TMEM132C: variants seen among roughly 807,000 people sequenced by gnomAD.
TMEM132C encodes transmembrane protein 132C, also known as protein phosphatase 1, regulatory subunit 152.
TMEM132C carries 29 observed loss-of-function variants against 61.4 expected under a neutral mutation model. That is an observed-to-expected ratio of 0.47 (90% CI 0.35 to 0.64). TMEM132C has a LOEUF of 0.64. Ranked by LOEUF, TMEM132C falls within the 30% of genes least tolerant of loss-of-function variation. TMEM132C has a pLI of 0.00. For missense variants in TMEM132C, 1,408 were observed against 1,476.9 expected, an observed-to-expected ratio of 0.95 and a Z score of 0.76; for synonymous variants, 656 against 633.1, an observed-to-expected ratio of 1.04 and a Z score of -0.54.
intron 1 of TMEM132C, among the ~76,000 whole-genome samples, chr12:128,348,738 T>C (rs568826903): frequency 6.6e-6 from 1 of 152,234 alleles, no homozygotes; most frequent in Non-Finnish European, 1.5e-5. Context: ...GTCATCTTTC[T>C]GTGAGGTGAA....
In TMEM132C at chr12:128,521,544, C is replaced by T. The variant is rs868426566; in HGVS notation, c.975-22413C>T. 2.0e-5 allele frequency among the ~76,000 whole-genome samples: 3 copies of T among 146,912 alleles called. No homozygotes were observed. In the South Asian group the frequency reaches 6.4e-4, roughly 31 times the overall value. On this transcript the variant is annotated intron_variant, in intron 2 of 8. Coordinates refer to ENST00000435159, the MANE Select transcript of TMEM132C (RefSeq NM_001136103.3). ...GTCTTTGTTACAGTAGATTACTATA[C>T]CCTAACTAATATGCACATATATTCT...
At chr12:128,631,985 T>G (rs979495148) in intron 4 of TMEM132C, among the ~76,000 whole-genome samples, 6 of 151,950 alleles carry the variant, frequency 3.9e-5, no homozygotes, top group Admixed American at 3.9e-4. Context: ...CCAAAATAAT[T>G]GGAGTGGGGA....
chr12:128,499,547 G>A (rs915002442), intron 2 of TMEM132C, among the ~76,000 whole-genome samples: 2 of 151,906 alleles, frequency 1.3e-5, no homozygotes, highest in African/African-American at 4.8e-5. Flanking sequence ...ACCCTCTCCC[G>A]ACTACCCTTC....
intron 2 of TMEM132C, among the ~76,000 whole-genome samples, chr12:128,425,570 G>A (rs1217953928): frequency 6.6e-6 from 1 of 152,188 alleles, no homozygotes; most frequent in Non-Finnish European, 1.5e-5. Flanking sequence ...ATAACAAATT[G>A]TCCCAAACTT....
At chr12:128,325,800 C>T (rs1035216761) in intron 1 of TMEM132C, among the ~76,000 whole-genome samples, 3 of 152,120 alleles carry the variant, frequency 2.0e-5, no homozygotes, top group African/African-American at 7.2e-5. Flanking sequence ...CTGGAAGGAT[C>T]ACCAGCAACC....
chr12:128,457,448 C>T (rs984311886), intron 2 of TMEM132C, among the ~76,000 whole-genome samples: 6 of 151,620 alleles, frequency 4.0e-5, no homozygotes, highest in Admixed American at 3.3e-4. Flanking sequence ...TGGTGGCGGG[C>T]ACCTGTAGTC....
intron 1 of TMEM132C, among the ~76,000 whole-genome samples, chr12:128,267,881 G>A (rs968270617): frequency 6.6e-6 from 1 of 152,220 alleles, no homozygotes; most frequent in African/African-American, 2.4e-5. Context: ...CGCTCTGTGC[G>A]CTCCTTCCTC....
chr12:128,415,316 A>T lies in TMEM132C; in HGVS notation c.670A>T (p.Thr224Ser), dbSNP rs188029791. The change falls in exon 2 of 9, where the codon ACC (threonine) becomes TCC (serine). Residue 224 changes from threonine to serine, a missense_variant. Thr to Ser is a moderately conservative substitution (Grantham distance 58). Coordinates refer to ENST00000435159, the MANE Select transcript of TMEM132C (RefSeq NM_001136103.3). The surrounding 1 kb of genome is among the most constrained non-coding windows in gnomAD (Gnocchi z 5.8). ...RKKSMDQPEG[T>S]PVELYYTVHP... is the part of the protein sequence containing the mutation. ...GAAGTCCATGGACCAGCCGGAGGGG[A>T]CCCCTGTGGAGCTCTACTACACCGT... 1.4e-5 allele frequency: 22 copies of T among 1,591,116 alleles called. No homozygotes were observed. In the Admixed American group the frequency reaches 3.9e-4, roughly 28 times the overall value.
At chr12:128,345,589 T>G (rs926841871) in intron 1 of TMEM132C, among the ~76,000 whole-genome samples, 5 of 152,192 alleles carry the variant, frequency 3.3e-5, no homozygotes, top group African/African-American at 1.2e-4. Flanking sequence ...TTTTTTGACT[T>G]TTTAATAGTA....
chr12:128,513,130 C>G (rs1307135673), intron 2 of TMEM132C, among the ~76,000 whole-genome samples: 3 of 152,022 alleles, frequency 2.0e-5, no homozygotes, highest in Non-Finnish European at 2.9e-5. Flanking sequence ...ATGCAGTTGC[C>G]AGAATGGACC....
chr12:128,604,438 TA>T (rs955812875), intron 3 of TMEM132C, among the ~76,000 whole-genome samples: 42 of 149,576 alleles, frequency 2.8e-4, no homozygotes, highest in Admixed American at 2.6e-3. Flanking sequence ...GATAGATAGA[TA>T]GATAGATAGA....
intron 5 of TMEM132C, among the ~76,000 whole-genome samples, chr12:128,692,943 C>T (rs1483833199): frequency 6.6e-6 from 1 of 152,152 alleles, no homozygotes; most frequent in Non-Finnish European, 1.5e-5. Context: ...AAGGGAGGCG[C>T]ATAGGGAAAG....
intron 2 of TMEM132C, among the ~76,000 whole-genome samples, chr12:128,500,594 G>A (rs139452100): frequency 3.9e-4 from 59 of 152,152 alleles, no homozygotes; most frequent in Non-Finnish European, 8.4e-4. Context: ...ACAAAATGGT[G>A]CCCAACATCA....
At chr12:128,360,278 A>ACACACACC in intron 1 of TMEM132C, among the ~76,000 whole-genome samples, 2 of 140,194 alleles carry the variant, frequency 1.4e-5, no homozygotes, top group Middle Eastern at 7.5e-3. Flanking sequence ...ACACACACAC[A>ACACACACC]CACCCCAGGA....
In TMEM132C at chr12:128,647,133, T is replaced by G. The variant is rs574433168; in HGVS notation, c.1306-22284T>G. Among the ~76,000 whole-genome samples, 782 of 150,282 alleles carry G rather than the reference T, an allele frequency of 5.2e-3. 3 individuals carry two copies. The highest frequency in any genetic ancestry group is 0.014 in the African/African-American group (566 of 40,630). The stretch of plus-strand genomic sequence containing the variant: ...GTGTGTTTACTAGATCCCATCAGTG[T>G]TGGATGTGAGTGTGTTTACTGGAGT... On this transcript the variant is annotated intron_variant, in intron 4 of 8. Transcript: ENST00000435159.
chr12:128,397,046 A>C (rs1874982210), intron 1 of TMEM132C, among the ~76,000 whole-genome samples: 1 of 152,168 alleles, frequency 6.6e-6, no homozygotes, highest in Admixed American at 6.5e-5. Flanking sequence ...CAGAGGCTTC[A>C]GTGCCTTCCA....
chr12:128,607,221 G>C (rs78701729), intron 3 of TMEM132C, among the ~76,000 whole-genome samples: 2 of 152,320 alleles, frequency 1.3e-5, no homozygotes, highest in African/African-American at 4.8e-5. Context: ...TGTTCCTGGA[G>C]TGTTTGAAAG....
intron 1 of TMEM132C, among the ~76,000 whole-genome samples, chr12:128,267,773 A>G (rs1870361352): frequency 6.6e-6 from 1 of 152,042 alleles, no homozygotes; most frequent in South Asian, 2.1e-4. Flanking sequence ...GGCGTGGCTG[A>G]GGGACACGGT....
At chr12:128,504,891 G>A (rs1872306318) in intron 2 of TMEM132C, among the ~76,000 whole-genome samples, 2 of 149,304 alleles carry the variant, frequency 1.3e-5, no homozygotes, top group African/African-American at 4.9e-5. Context: ...AGTCTTAAAT[G>A]CTTTACTGCA....
Sources: allele counts gnomAD v4.1 joint callset (sites outside exome capture counted in the v4.1 genomes callset), GRCh38; gene constraint gnomAD v4.1.1; non-coding constraint Gnocchi (gnomAD v3.1); transcripts MANE v1.5; gene names NCBI Gene and HGNC (gene_info 2026-07-23, HGNC 2026-07-21).